Variants in ETV6 observed in about 807,000 individuals in gnomAD.
ETV6 encodes the protein ETS variant transcription factor 6.
ETV6 carries 16 observed loss-of-function variants against 51.1 expected under a neutral mutation model. That is an observed-to-expected ratio of 0.31 (90% CI 0.21 to 0.48). The LOEUF (loss-of-function observed/expected upper bound fraction) is 0.48. Ranked by LOEUF, ETV6 falls within the 20% of genes least tolerant of loss-of-function variation. The probability of loss-of-function intolerance (pLI) is 0.99; values close to 1 mark genes in which losing one functional copy is unlikely to be tolerated. For missense variants in ETV6, 458 were observed against 594.8 expected, an observed-to-expected ratio of 0.77 and a Z score of 2.39; for synonymous variants, 240 against 224.1, an observed-to-expected ratio of 1.07 and a Z score of -0.64.
intron 2 of ETV6, among the ~76,000 whole-genome samples, chr12:11,811,231 G>A (rs568660565): frequency 2.0e-5 from 3 of 152,208 alleles, no homozygotes; most frequent in Admixed American, 2.0e-4. Context: ...GACTCATTTC[G>A]AATCTAACTA....
intron 1 of ETV6, among the ~76,000 whole-genome samples, chr12:11,658,394 C>A (rs1055731483): frequency 6.6e-6 from 1 of 152,226 alleles, no homozygotes; most frequent in Admixed American, 6.5e-5. Flanking sequence ...CACCACTCAC[C>A]TGGCCAATTT....
At chr12:11,770,830 T>C (rs1945233129) in intron 2 of ETV6, among the ~76,000 whole-genome samples, 1 of 151,748 alleles carries the variant, frequency 6.6e-6, no homozygotes, top group Non-Finnish European at 1.5e-5. Context: ...ATCCCATGAG[T>C]TCAAGGCTGC....
At chr12:11,753,917 T>C (rs766706279) in intron 2 of ETV6, among the ~76,000 whole-genome samples, 1 of 152,232 alleles carries the variant, frequency 6.6e-6, no homozygotes, top group African/African-American at 2.4e-5. Flanking sequence ...ACAGCCCTAC[T>C]CTACCATCTT....
chr12:11,651,691 G>A (rs1228628780), intron 1 of ETV6, among the ~76,000 whole-genome samples: 1 of 152,080 alleles, frequency 6.6e-6, no homozygotes, highest in African/African-American at 2.4e-5. Context: ...AAAATCCTGC[G>A]GTATAGATAA....
At chr12:11,667,791 C>T (rs1289970913) in intron 1 of ETV6, among the ~76,000 whole-genome samples, 1 of 151,310 alleles carries the variant, frequency 6.6e-6, no homozygotes, top group East Asian at 1.9e-4. Flanking sequence ...CAGCCTCCGC[C>T]TCCCAGGCTC....
At chr12:11,676,419 C>G (rs921159098) in intron 1 of ETV6, among the ~76,000 whole-genome samples, 1 of 152,228 alleles carries the variant, frequency 6.6e-6, no homozygotes, top group African/African-American at 2.4e-5. Flanking sequence ...CCTGACCAGG[C>G]TGCAAGGCCC....
chr12:11,860,196 T>G (rs1946695372), intron 4 of ETV6, among the ~76,000 whole-genome samples: 1 of 152,210 alleles, frequency 6.6e-6, no homozygotes, highest in Non-Finnish European at 1.5e-5. Flanking sequence ...ATTCTTTAGC[T>G]GCTCAAGTCA....
At chr12:11,711,980 G>A (rs1865182311) in intron 1 of ETV6, among the ~76,000 whole-genome samples, 1 of 151,946 alleles carries the variant, frequency 6.6e-6, no homozygotes, top group African/African-American at 2.4e-5. Context: ...CCTTTTTTCT[G>A]TGTTTTTTAG....
chr12:11,670,189 T>C (rs895876189), intron 1 of ETV6, among the ~76,000 whole-genome samples: 2 of 152,236 alleles, frequency 1.3e-5, no homozygotes, highest in African/African-American at 2.4e-5. Flanking sequence ...TAATAGTATT[T>C]GGTATCAAGC....
chr12:11,672,579 T>A (rs1591599367), intron 1 of ETV6, among the ~76,000 whole-genome samples: 1 of 152,174 alleles, frequency 6.6e-6, no homozygotes, highest in Non-Finnish European at 1.5e-5. Context: ...GAGACAAAGC[T>A]TGCGTATAAT....
chr12:11,891,587 T>C lies in ETV6; in HGVS notation c.*541T>C, dbSNP rs1947288167. 1.9e-6 allele frequency: 1 copy of C among 534,484 alleles called. No homozygotes were observed. 33.1% of individuals were successfully genotyped at this position (534,484 alleles called of 1,614,324 possible). On this transcript the variant is annotated 3_prime_UTR_variant, in exon 8 of 8. Transcript: ENST00000396373. ...TGGATCAGGTCTGTTCCTGTTACTG[T>C]TGGGTCTTGGCTGAAAAAAAAAAAT...
chr12:11,768,708 C>T (rs953143844), intron 2 of ETV6, among the ~76,000 whole-genome samples: 10 of 152,206 alleles, frequency 6.6e-5, no homozygotes, highest in African/African-American at 2.2e-4. Context: ...GGGTGATAAA[C>T]TGAGCAAACA....
At chr12:11,855,271 A>T (rs1398533222) in intron 4 of ETV6, among the ~76,000 whole-genome samples, 1 of 152,004 alleles carries the variant, frequency 6.6e-6, no homozygotes, top group Non-Finnish European at 1.5e-5. Context: ...GCGCCACTGC[A>T]CTCCAGCCTG....
At chr12:11,787,194 C>T (rs560381370) in intron 2 of ETV6, among the ~76,000 whole-genome samples, 20 of 152,154 alleles carry the variant, frequency 1.3e-4, no homozygotes, top group Non-Finnish European at 2.5e-4. Flanking sequence ...GAAAATGGAT[C>T]AGTTATTCCT....
At position 11,727,732 on chromosome 12, in the gene ETV6, G is replaced by A. The variant is rs533600388; in HGVS notation, c.34-24718G>A. On this transcript the variant is annotated intron_variant, in intron 1 of 7. Transcript: ENST00000396373. ...CAGGGAAGAGGCCTAAGGGCCTGGT[G>A]GCCCGCAGGTGTGAGCCCCTCTGGT... 6.6e-5 allele frequency among the ~76,000 whole-genome samples: 10 copies of A among 152,352 alleles called. No individual in the cohort carries two copies. In the South Asian group the frequency reaches 2.1e-3, roughly 32 times the overall value.
At chr12:11,735,867 G>A (rs1298718488) in intron 1 of ETV6, among the ~76,000 whole-genome samples, 1 of 152,154 alleles carries the variant, frequency 6.6e-6, no homozygotes, top group Non-Finnish European at 1.5e-5. Context: ...CCCAAAGTGC[G>A]GGGATTACAG....
chr12:11,872,038 C>T (rs548632869), intron 5 of ETV6, among the ~76,000 whole-genome samples: 18 of 152,346 alleles, frequency 1.2e-4, no homozygotes, highest in African/African-American at 3.8e-4. Flanking sequence ...TATACCCTCT[C>T]GTCTTGTTTC....
intron 2 of ETV6, among the ~76,000 whole-genome samples, chr12:11,824,334 G>A (rs954579548): frequency 3.3e-5 from 5 of 152,204 alleles, no homozygotes; most frequent in African/African-American, 4.8e-5. Flanking sequence ...GGTTTTGCTC[G>A]TTCCTATAGT....
chr12:11,787,181 T>A lies in ETV6; in HGVS notation c.163+34602T>A, dbSNP rs147541455. Among the ~76,000 whole-genome samples the A allele has an allele frequency of 4.6e-3, 698 of 152,300 alleles. 4 individuals carry two copies. Among genetic ancestry groups the A allele is most frequent in the Non-Finnish European group, 5.3e-3 (360 of 68,034 alleles). Reference sequence around the variant, plus strand: ...CTCTGCTTATGGCTGGAGTTATAAATGTGAAAATGGATCAGTTATTCCTAG... The same window carrying A: ...CTCTGCTTATGGCTGGAGTTATAAAAGTGAAAATGGATCAGTTATTCCTAG... On this transcript the variant is annotated intron_variant, in intron 2 of 7. Coordinates refer to ENST00000396373, the MANE Select transcript of ETV6 (RefSeq NM_001987.5).
Sources: allele counts gnomAD v4.1 joint callset (sites outside exome capture counted in the v4.1 genomes callset), GRCh38; gene constraint gnomAD v4.1.1; transcripts MANE v1.5; gene names NCBI Gene and HGNC (gene_info 2026-07-23, HGNC 2026-07-21).